EVI5: variants seen among roughly 807,000 people sequenced by gnomAD.
EVI5 encodes ecotropic viral integration site 5 protein homolog.
A neutral mutation model predicts 112.0 loss-of-function variants in EVI5; 73 were observed. The observed-to-expected ratio is 0.65, with a 90% CI of 0.54 to 0.79. The LOEUF is 0.79. Among genes scored for constraint, EVI5 ranks in the 30% least tolerant of loss-of-function variants. The pLI, the probability that EVI5 is intolerant of heterozygous loss-of-function variation, is 0.00. For synonymous variants in EVI5, 305 were observed against 319.9 expected (o/e 0.95, Z 0.50); for missense variants, 900 against 968.8 (o/e 0.93, Z 0.94).
chr1:92,531,484 C>G (rs1662858207), intron 19 of EVI5, among the ~76,000 whole-genome samples: 1 of 152,116 alleles, frequency 6.6e-6, no homozygotes, highest in Non-Finnish European at 1.5e-5. Flanking sequence ...GACACATAAT[C>G]ATCAGATTCA....
At chr1:92,717,302 G>A (rs945076662) in intron 2 of EVI5, among the ~76,000 whole-genome samples, 5 of 152,158 alleles carry the variant, frequency 3.3e-5, no homozygotes, top group Admixed American at 1.3e-4. Flanking sequence ...CAGAAAGGTC[G>A]GGTTACCCAC....
At chr1:92,748,148 C>T (rs1679594327) in intron 1 of EVI5, among the ~76,000 whole-genome samples, 1 of 152,152 alleles carries the variant, frequency 6.6e-6, no homozygotes, top group Non-Finnish European at 1.5e-5. Context: ...CACATCCCCT[C>T]CCCTTGAGCC....
chr1:92,609,268 T>C lies in EVI5; in HGVS notation c.1828-1541A>G, dbSNP rs549228715. Reference sequence around the variant, plus strand: ...TACCAAATTTCAGTAGAGATAGTACTACTTGCCTTTTGAGACTATGTTGTG... The same window carrying C: ...TACCAAATTTCAGTAGAGATAGTACCACTTGCCTTTTGAGACTATGTTGTG... On this transcript the variant is annotated intron_variant, in intron 16 of 19. Coordinates refer to ENST00000684568, the MANE Select transcript of EVI5 (RefSeq NM_001350197.2). Among the ~76,000 whole-genome samples the C allele has an allele frequency of 5.3e-5, 8 of 152,376 alleles. No individual in the cohort carries two copies. In the South Asian group the frequency reaches 1.4e-3, roughly 28 times the overall value.
rs1342000441 is a variant in EVI5, at chr1:92,513,506, G to GTA, written c.*148_*149dup. On this transcript the variant is annotated 3_prime_UTR_variant, in exon 20 of 20. Coordinates refer to ENST00000684568, the MANE Select transcript of EVI5 (RefSeq NM_001350197.2). ...CAAAGATAAAAAGGCAGATAAGACT[G>GTA]TAAAATATATATATATATATATATA... 1.5e-5 allele frequency: 3 copies of GTA among 195,262 alleles called. No individual in the cohort carries two copies. Among genetic ancestry groups the GTA allele is most frequent in the Non-Finnish European group, 2.9e-5 (3 of 104,958 alleles). 12.1% of individuals were successfully genotyped at this position (195,262 alleles called of 1,614,324 possible).
intron 18 of EVI5, among the ~76,000 whole-genome samples, chr1:92,591,624 G>A (rs1673921414): frequency 6.6e-6 from 1 of 152,086 alleles, no homozygotes; most frequent in South Asian, 2.1e-4. Flanking sequence ...AGTCCTCAGA[G>A]ATCTACAAAA....
chr1:92,535,952 C>A (rs778723446), intron 19 of EVI5, among the ~76,000 whole-genome samples: 8 of 152,018 alleles, frequency 5.3e-5, no homozygotes, highest in Non-Finnish European at 8.8e-5. Context: ...TTATCCCACC[C>A]TTTTAAATGC....
intron 13 of EVI5, among the ~76,000 whole-genome samples, chr1:92,638,123 T>C (rs543612120): frequency 6.6e-6 from 1 of 152,168 alleles, no homozygotes; most frequent in Non-Finnish European, 1.5e-5. Flanking sequence ...AGCACAGGTT[T>C]GTTTGCAAAG....
At chr1:92,695,165 T>C in intron 7 of EVI5, 145 bp downstream of exon 7, 1 of 592,668 alleles carries the variant, frequency 1.7e-6, no homozygotes, top group Non-Finnish European at 3.0e-6. Context: ...GATAGGGTTA[T>C]TATAAGGTTT....
At chr1:92,557,783 G>A (rs1167974501) in intron 19 of EVI5, among the ~76,000 whole-genome samples, 4 of 151,436 alleles carry the variant, frequency 2.6e-5, no homozygotes, top group East Asian at 3.9e-4. Flanking sequence ...GGGGTGCAGT[G>A]GTGTGATCTC....
At chr1:92,550,741 C>T (rs551292940) in intron 19 of EVI5, among the ~76,000 whole-genome samples, 38 of 38,542 alleles carry the variant, frequency 9.9e-4, no homozygotes, top group African/African-American at 3.1e-3. Context: ...AGCGAGACTC[C>T]GTCTCAAAAA....
At chr1:92,585,072 A>C (rs529700622) in intron 18 of EVI5, among the ~76,000 whole-genome samples, 1 of 152,138 alleles carries the variant, frequency 6.6e-6, no homozygotes, top group Admixed American at 6.5e-5. Context: ...GAAAATTTAA[A>C]AATTAGCCAG....
At chr1:92,771,067 C>T (rs1683349941) in intron 1 of EVI5, among the ~76,000 whole-genome samples, 1 of 151,882 alleles carries the variant, frequency 6.6e-6, no homozygotes, top group Non-Finnish European at 1.5e-5. Flanking sequence ...CCACCCACCT[C>T]GGCCTCCCAA....
At chr1:92,754,584 G>A (rs1268061290) in intron 1 of EVI5, among the ~76,000 whole-genome samples, 1 of 152,196 alleles carries the variant, frequency 6.6e-6, no homozygotes, top group Non-Finnish European at 1.5e-5. Flanking sequence ...GGGGCTGGAA[G>A]AGCTGCTTCA....
At position 92,734,248 on chromosome 1, in the gene EVI5, C is replaced by T. The variant is rs373773275; in HGVS notation, c.149+2150G>A. ...CATTGGGGCATATTTCTGATAAAGACCCACTTCCAGTAGGATTCATCTTTT... is the reference window on the plus strand; with the variant it reads ...CATTGGGGCATATTTCTGATAAAGATCCACTTCCAGTAGGATTCATCTTTT... On this transcript the variant is annotated intron_variant, in intron 2 of 19. Transcript: ENST00000684568. Among the ~76,000 whole-genome samples the T allele has an allele frequency of 1.4e-4, 21 of 152,150 alleles. 1 individual carries two copies. In the East Asian group the frequency reaches 1.7e-3, roughly 13 times the overall value.
chr1:92,575,138 A>T (rs553038602), intron 18 of EVI5, among the ~76,000 whole-genome samples: 2 of 152,230 alleles, frequency 1.3e-5, no homozygotes, highest in Admixed American at 6.5e-5. Context: ...AAACTTTTCA[A>T]ATCTATAGAA....
chr1:92,599,615 C>T (rs1349189806), intron 18 of EVI5, among the ~76,000 whole-genome samples: 1 of 152,000 alleles, frequency 6.6e-6, no homozygotes, highest in Admixed American at 6.6e-5. Context: ...AGCAAATTAA[C>T]AGCAAGTTAG....
intron 19 of EVI5, among the ~76,000 whole-genome samples, chr1:92,527,798 T>C (rs571325740): frequency 8.5e-5 from 13 of 152,228 alleles, no homozygotes; most frequent in Admixed American, 2.0e-4. Context: ...TGTTGGCATA[T>C]AGCATGGTAG....
chr1:92,562,357 G>A (rs10465754), intron 19 of EVI5, among the ~76,000 whole-genome samples: 129,409 of 151,938 alleles, frequency 0.85, 55,484 homozygotes, highest in East Asian at 0.97. Context: ...GTGAAACCCC[G>A]TCTCTACTAA....
intron 18 of EVI5, among the ~76,000 whole-genome samples, chr1:92,567,810 T>C (rs1402458728): frequency 6.6e-6 from 1 of 152,232 alleles, no homozygotes; most frequent in Non-Finnish European, 1.5e-5. Context: ...ACAATTACTA[T>C]ATTCCAAATA....
Sources: allele counts gnomAD v4.1 joint callset (sites outside exome capture counted in the v4.1 genomes callset), GRCh38; gene constraint gnomAD v4.1.1; transcripts MANE v1.5; gene names NCBI Gene and HGNC (gene_info 2026-07-23, HGNC 2026-07-21).